HTR2C: variants seen among roughly 807,000 people sequenced by gnomAD.
The protein encoded by HTR2C is 5-hydroxytryptamine receptor 2C.
HTR2C carries 5 observed loss-of-function variants against 21.0 expected under a neutral mutation model. The observed-to-expected ratio is 0.24, with a 90% confidence interval of 0.12 to 0.50. HTR2C has a LOEUF of 0.50. Ranked by LOEUF, HTR2C falls within the 20% of genes least tolerant of loss-of-function variation. HTR2C has a pLI of 0.98. For synonymous variants in HTR2C, 150 were observed against 145.3 expected, an observed-to-expected ratio of 1.03 and a Z score of -0.23; for missense variants, 271 against 371.2, an observed-to-expected ratio of 0.73 and a Z score of 2.22.
At chrX:114,694,405 C>T (rs1932202179) in intron 2 of HTR2C, among the ~76,000 whole-genome samples, 1 of 104,271 alleles carries the variant, frequency 9.6e-6, no homozygotes, top group African/African-American at 3.7e-5. Flanking sequence ...ATATGTATTC[C>T]AAACTCTGTT....
At chrX:114,800,476 C>T (rs970149585) in intron 4 of HTR2C, among the ~76,000 whole-genome samples, 1 of 111,212 alleles carries the variant, frequency 9.0e-6, no homozygotes, top group Non-Finnish European at 1.9e-5. Flanking sequence ...GACATTTATG[C>T]CCCGGAAGTA....
At chrX:114,726,728 G>T (rs1457057363) in intron 2 of HTR2C, 130 bp from the exon 3 acceptor site, 1 of 353,175 alleles carries the variant, frequency 2.8e-6, no homozygotes, top group African/African-American at 2.7e-5. Flanking sequence ...AGTATAACAT[G>T]CTTACCTGTT....
At chrX:114,648,116 G>C (rs782616793) in intron 2 of HTR2C, among the ~76,000 whole-genome samples, 24 of 111,973 alleles carry the variant, frequency 2.1e-4, no homozygotes, top group African/African-American at 6.8e-4. Flanking sequence ...TAGTGGAGAA[G>C]TATGATTGGA....
intron 1 of HTR2C, among the ~76,000 whole-genome samples, chrX:114,606,641 T>C (rs1928447230): frequency 9.0e-6 from 1 of 111,430 alleles, no homozygotes; most frequent in African/African-American, 3.3e-5. Context: ...GAAGAGGCCG[T>C]TTACCTGATT....
chrX:114,722,476 G>A (rs373674343), intron 2 of HTR2C, among the ~76,000 whole-genome samples: 5 of 110,942 alleles, frequency 4.5e-5, no homozygotes, highest in Admixed American at 2.9e-4. Flanking sequence ...ACAATTTGAC[G>A]TCCTCTTTTC....
At chrX:114,797,380 C>T (rs781981662) in intron 4 of HTR2C, among the ~76,000 whole-genome samples, 168 of 111,383 alleles carry the variant, frequency 1.5e-3, no homozygotes, top group African/African-American at 5.0e-3. Flanking sequence ...GATTTCTTTA[C>T]TCCAATCTAC....
intron 2 of HTR2C, among the ~76,000 whole-genome samples, chrX:114,686,251 A>G (rs1410004750): frequency 8.9e-6 from 1 of 111,849 alleles, no homozygotes; most frequent in Admixed American, 9.6e-5. Flanking sequence ...TGTTCCAGAA[A>G]TAATTCCCCA....
intron 2 of HTR2C, among the ~76,000 whole-genome samples, chrX:114,688,672 T>C (rs782484262): frequency 8.9e-6 from 1 of 111,844 alleles, no homozygotes; most frequent in South Asian, 3.7e-4. Flanking sequence ...ATTGAGTCTG[T>C]ACATCTGCTT....
chrX:114,776,529 C>A, intron 4 of HTR2C: 1 of 539,697 alleles, frequency 1.9e-6, no homozygotes. Context: ...TCAGACTAGA[C>A]AACAGCATCA....
chrX:114,833,615 C>A (rs782786507), intron 4 of HTR2C, among the ~76,000 whole-genome samples: 2 of 109,262 alleles, frequency 1.8e-5, no homozygotes, highest in Non-Finnish European at 1.9e-5. Context: ...GTCTTGCTAG[C>A]AGTCTATCAA....
chrX:114,751,711 G>A (rs1291945415), intron 4 of HTR2C, among the ~76,000 whole-genome samples: 1 of 111,457 alleles, frequency 9.0e-6, no homozygotes, highest in Non-Finnish European at 1.9e-5. Context: ...GCCTTTGGGT[G>A]TCATTAAGGT....
At chrX:114,838,658 T>C (rs960716315) in intron 4 of HTR2C, among the ~76,000 whole-genome samples, 2 of 111,740 alleles carry the variant, frequency 1.8e-5, no homozygotes, top group Non-Finnish European at 3.8e-5. Context: ...CTATACACAA[T>C]TTTTTCCCCT....
intron 5 of HTR2C, among the ~76,000 whole-genome samples, chrX:114,870,994 T>C (rs1556476380): frequency 4.5e-5 from 5 of 111,602 alleles, no homozygotes. Flanking sequence ...TTGCTTTTTT[T>C]AGTTCTTTAA....
chrX:114,681,468 C>T (rs1264759704), intron 2 of HTR2C, among the ~76,000 whole-genome samples: 5 of 110,656 alleles, frequency 4.5e-5, no homozygotes, highest in African/African-American at 1.3e-4. Context: ...TTCAAGAGAA[C>T]GACTTATCCT....
At chrX:114,585,055 G>A (rs1377798560) in intron 1 of HTR2C, among the ~76,000 whole-genome samples, 1 of 109,600 alleles carries the variant, frequency 9.1e-6, no homozygotes, top group African/African-American at 3.3e-5. Flanking sequence ...CTGAGTAGAG[G>A]GTCGGGCTGC....
At chrX:114,805,849 A>ATATACCATATATATACACCATATG (rs1569495621) in intron 4 of HTR2C, among the ~76,000 whole-genome samples, 2 of 95,857 alleles carry the variant, frequency 2.1e-5, no homozygotes, top group African/African-American at 7.5e-5. Flanking sequence ...TATACCATAT[A>ATATACCATATATATACACCATATG]TATACCATAT....
At chrX:114,743,858 T>A (rs782169390) in intron 4 of HTR2C, among the ~76,000 whole-genome samples, 3 of 112,215 alleles carry the variant, frequency 2.7e-5, no homozygotes, top group Non-Finnish European at 3.8e-5. Flanking sequence ...AGTAATGAAC[T>A]ATTGATACAC....
intron 4 of HTR2C, among the ~76,000 whole-genome samples, chrX:114,760,562 G>T (rs2069856368): frequency 9.0e-6 from 1 of 111,523 alleles, no homozygotes; most frequent in Admixed American, 9.6e-5. Context: ...TGTCACCCAG[G>T]CTAGAGTGTG....
chrX:114,647,606 A>C (rs949715241), intron 2 of HTR2C, among the ~76,000 whole-genome samples: 25 of 112,422 alleles, frequency 2.2e-4, no homozygotes, highest in Non-Finnish European at 2.4e-4. Flanking sequence ...AATATTTGTT[A>C]ATTAATTGCT....
Sources: allele counts gnomAD v4.1 joint callset (sites outside exome capture counted in the v4.1 genomes callset), GRCh38; gene constraint gnomAD v4.1.1; transcripts MANE v1.5; gene names NCBI Gene and HGNC (gene_info 2026-07-23, HGNC 2026-07-21).